Variants in LRRC43 observed in about 807,000 individuals in gnomAD.
LRRC43 encodes leucine-rich repeat-containing protein 43.
A neutral mutation model predicts 64.3 loss-of-function variants in LRRC43; 62 were observed. The observed-to-expected ratio is 0.96, with a 90% CI of 0.79 to 1.19. The LOEUF is 1.19. LRRC43 is among the 50% of genes most tolerant of loss of function. The pLI is 0.00. For synonymous variants in LRRC43, 422 were observed against 382.3 expected, an observed-to-expected ratio of 1.10 and a Z score of -1.21; for missense variants, 868 against 845.0, an observed-to-expected ratio of 1.03 and a Z score of -0.34.
chr12:122,168,665 C>A (rs769557839), intron 1 of LRRC43, among the ~76,000 whole-genome samples: 4 of 152,068 alleles, frequency 2.6e-5, no homozygotes, highest in African/African-American at 7.2e-5. Flanking sequence ...CCCAGCTTCC[C>A]CTAAGTGGGA....
intron 6 of LRRC43, 87 bp from the exon 7 acceptor site, chr12:122,192,658 C>T (rs1030247171): frequency 7.5e-6 from 11 of 1,472,190 alleles, no homozygotes; most frequent in South Asian, 3.7e-5. Context: ...ATCCAGATGT[C>T]GGGAGCTGTG....
chr12:122,196,359 T>C lies in LRRC43; in HGVS notation c.1349+3355T>C, dbSNP rs1471419109. 3.9e-5 allele frequency among the ~76,000 whole-genome samples: 6 copies of C among 152,238 alleles called. No homozygotes were observed. The East Asian group carries it at 9.6e-4, about 24-fold the overall frequency. ...ATATTTTCCATACAATTATTTGCCA[T>C]ATGTAATTTCCCAAGTTCAACAATT... On this transcript the variant is annotated intron_variant, in intron 7 of 11. Coordinates refer to ENST00000339777, the MANE Select transcript of LRRC43 (RefSeq NM_001098519.2).
intron 7 of LRRC43, among the ~76,000 whole-genome samples, chr12:122,198,583 C>G (rs186261537): frequency 1.7e-4 from 25 of 149,612 alleles, no homozygotes; most frequent in Admixed American, 4.0e-4. Context: ...GTTTTCAAGG[C>G]TCATCTGTGG....
At chr12:122,202,511 C>T (rs1273459954) in intron 11 of LRRC43, 1 of 151,990 alleles carries the variant, frequency 6.6e-6, no homozygotes, top group Non-Finnish European at 1.5e-5. Flanking sequence ...GCATTTTGAA[C>T]GGATATTTTA....
chr12:122,202,421 A>C (rs1953852679), intron 11 of LRRC43: 1 of 152,190 alleles, frequency 6.6e-6, no homozygotes, highest in Admixed American at 6.5e-5. Context: ...ACAAGTGGTA[A>C]TTTCTTAAAG....
At chr12:122,197,150 C>T (rs1011042819) in intron 7 of LRRC43, among the ~76,000 whole-genome samples, 5 of 152,226 alleles carry the variant, frequency 3.3e-5, no homozygotes, top group African/African-American at 1.2e-4. Context: ...TCATTATCCC[C>T]TAATAAGGTC....
intron 7 of LRRC43, among the ~76,000 whole-genome samples, chr12:122,193,238 A>G (rs56394874): frequency 8.4e-4 from 128 of 151,706 alleles, no homozygotes; most frequent in African/African-American, 2.7e-3. Context: ...AAAATTAGCC[A>G]GGCGTGGTGG....
intron 7 of LRRC43, among the ~76,000 whole-genome samples, chr12:122,196,774 A>T (rs533301966): frequency 5.9e-4 from 90 of 151,374 alleles, no homozygotes; most frequent in African/African-American, 2.1e-3. Context: ...AAAAAAAAAA[A>T]TCTGTTCTAT....
chr12:122,194,577 AAAAG>A (rs971257415), intron 7 of LRRC43, among the ~76,000 whole-genome samples: 7 of 84,248 alleles, frequency 8.3e-5, no homozygotes, highest in African/African-American at 1.5e-4. Flanking sequence ...AAAAAAAAAA[AAAAG>A]AAAAGAAAAG....
intron 6 of LRRC43, among the ~76,000 whole-genome samples, 194 bp from the exon 7 acceptor site, chr12:122,192,551 T>C (rs947736160): frequency 6.6e-6 from 1 of 152,210 alleles, no homozygotes; most frequent in Non-Finnish European, 1.5e-5. Flanking sequence ...TGGTTCTTGC[T>C]TTTACTCTTA....
chr12:122,172,509 C>A, intron 1 of LRRC43: 1 of 1,614,120 alleles, frequency 6.2e-7, no homozygotes, highest in Non-Finnish European at 8.5e-7. Context: ...GAAGCGTTTA[C>A]ATTCATGGGT....
At chr12:122,178,252 A>G (rs149765211), upstream of LRRC43, among the ~76,000 whole-genome samples, 345 of 152,214 alleles carry the variant, frequency 2.3e-3, 1 homozygote, top group African/African-American at 7.6e-3. Context: ...TTCATTTTAC[A>G]TGACCCCTCT....
rs80350322 is a variant in LRRC43 at position 122,173,369 on chromosome 12, T to C, written c.-406+5587T>C. ...CCAATTTTATGAATTGTTTCCAAGT[T>C]TGGGCATTTGTTTGTTTGATCAAAG... On this transcript the variant is annotated intron_variant, in intron 1 of 5. Transcript: ENST00000537729. Among the ~76,000 whole-genome samples, 1,189 of 152,254 alleles carry C rather than the reference T, an allele frequency of 7.8e-3. 14 individuals carry two copies. Among genetic ancestry groups the C allele is most frequent in the African/African-American group, 0.027 (1,114 of 41,548 alleles).
At chr12:122,179,369 G>A (rs1953562878), upstream of LRRC43, among the ~76,000 whole-genome samples, 3 of 152,296 alleles carry the variant, frequency 2.0e-5, no homozygotes, top group South Asian at 2.1e-4. Flanking sequence ...GCCTCCCAAA[G>A]TGCTGCGACT....
In LRRC43 at chr12:122,191,388, G is replaced by C. The variant is rs367640428; in HGVS notation, c.910G>C (p.Ala304Pro). The C allele has an allele frequency of 1.0e-4, 166 of 1,610,350 alleles. No individual in the cohort carries two copies. In the South Asian group the frequency reaches 1.5e-3, roughly 15 times the overall value. Residue 304 changes from alanine (A) to proline (P), a missense_variant, in exon 6 of 12, where the codon GCA (alanine) becomes CCA (proline). By Grantham distance (27) the Ala-to-Pro change is conservative. Transcript: ENST00000339777. ...RGLSLNGDLL[A>P]QEAQFVVTIG... ...CCCATTCCTCCCTGCAGATCTCTTG[G>C]CACAGGAGGCGCAGTTTGTGGTGAC...
chr12:122,203,406 C>G lies in LRRC43; in HGVS notation c.1935C>G (p.Arg645=), dbSNP rs773153512. 5 of 1,612,372 alleles carry G rather than the reference C, an allele frequency of 3.1e-6. No individual in the cohort carries two copies. Among genetic ancestry groups the G allele is most frequent in the Non-Finnish European group, 4.2e-6 (5 of 1,179,728 alleles). ...TGCAGATCCAGCTGAACCAGTGCCG[C>G]TCGGCGGAGGAGGCTCTGCGCATGT... ...VEVQIQLNQC[R]SAEEALRMFA... is the part of the protein sequence containing the mutation. The change falls in exon 12 of 12, where the codon CGC becomes CGG. Residue 645 remains arginine, a synonymous_variant. Transcript: ENST00000339777.
chr12:122,169,656 C>T (rs1255505742), intron 1 of LRRC43, among the ~76,000 whole-genome samples: 2 of 134,118 alleles, frequency 1.5e-5, no homozygotes, highest in African/African-American at 2.9e-5. Flanking sequence ...GCAGAGGTTG[C>T]AGTGAGCCGA....
At chr12:122,186,375 AGTG>A in intron 3 of LRRC43, 75 bp downstream of exon 3, 2 of 918,908 alleles carry the variant, frequency 2.2e-6, no homozygotes, top group Non-Finnish European at 3.5e-6. Flanking sequence ...TGCCCCACAT[AGTG>A]TGGCCAGCAT....
intron 6 of LRRC43, among the ~76,000 whole-genome samples, chr12:122,192,071 TAAC>T (rs1474775756): frequency 6.6e-6 from 1 of 152,174 alleles, no homozygotes; most frequent in African/African-American, 2.4e-5. Flanking sequence ...AATCTGAGCC[TAAC>T]AAGAGAGCCA....
Sources: allele counts gnomAD v4.1 joint callset (sites outside exome capture counted in the v4.1 genomes callset), GRCh38; gene constraint gnomAD v4.1.1; transcripts MANE v1.5; gene names NCBI Gene and HGNC (gene_info 2026-07-23, HGNC 2026-07-21).